Variants in TECPR2 observed in about 807,000 individuals in gnomAD.
TECPR2 encodes the protein tectonin beta-propeller repeat-containing protein 2.
TECPR2 carries 65 observed loss-of-function variants against 138.1 expected under a neutral mutation model. The ratio of observed to expected loss-of-function variants is 0.47; its 90% CI spans 0.39 to 0.58. The LOEUF (loss-of-function observed/expected upper bound fraction) is 0.58, where lower values mean the gene tolerates loss of function less well. Among genes scored for constraint, TECPR2 ranks in the 20% least tolerant of loss-of-function variants. The probability of loss-of-function intolerance (pLI) is 0.00; values close to 1 mark genes in which losing one functional copy is unlikely to be tolerated. For synonymous variants in TECPR2, 746 were observed against 749.8 expected, an observed-to-expected ratio of 0.99 and a Z score of 0.08; for missense variants, 1,553 against 1,824.5, an observed-to-expected ratio of 0.85 and a Z score of 2.71.
chr14:102,455,134 T>G (rs73351373), intron 16 of TECPR2, among the ~76,000 whole-genome samples: 14,531 of 152,042 alleles, frequency 0.096, 991 homozygotes, highest in African/African-American at 0.2. Context: ...CCATCCTGAG[T>G]CCAAGATGGC....
At chr14:102,487,745 G>A (rs1891063798) in intron 17 of TECPR2, among the ~76,000 whole-genome samples, 1 of 151,398 alleles carries the variant, frequency 6.6e-6, no homozygotes, top group Admixed American at 6.6e-5. Flanking sequence ...GTTTCACTGT[G>A]TTAGCCAGGA....
intron 5 of TECPR2, among the ~76,000 whole-genome samples, chr14:102,423,168 C>T (rs1444585168): frequency 6.6e-6 from 1 of 152,174 alleles, no homozygotes; most frequent in Non-Finnish European, 1.5e-5. Flanking sequence ...CGCAGTGGCT[C>T]ATGCCTGTAA....
intron 14 of TECPR2, 86 bp downstream of exon 14, chr14:102,449,955 A>C: frequency 3.9e-5 from 61 of 1,550,550 alleles, no homozygotes; most frequent in Non-Finnish European, 4.6e-5. Context: ...TTAAGATCTC[A>C]ACTTGAAAAG....
intron 17 of TECPR2, among the ~76,000 whole-genome samples, chr14:102,496,068 T>C (rs548273790): frequency 2.6e-5 from 4 of 152,328 alleles, no homozygotes; most frequent in Admixed American, 2.6e-4. Context: ...GAGCAGGAGA[T>C]GTGTGGCGGC....
intron 2 of TECPR2, among the ~76,000 whole-genome samples, chr14:102,391,411 A>G (rs1327472266): frequency 6.6e-6 from 1 of 152,148 alleles, no homozygotes; most frequent in Non-Finnish European, 1.5e-5. Context: ...CTATGAATCA[A>G]AGCAAGAGAA....
At chr14:102,382,069 G>A (rs1887842106) in intron 2 of TECPR2, among the ~76,000 whole-genome samples, 1 of 152,152 alleles carries the variant, frequency 6.6e-6, no homozygotes, top group Non-Finnish European at 1.5e-5. Flanking sequence ...CGAGGCGGGT[G>A]GATCACGAGG....
chr14:102,433,380 A>G (rs1889565018), intron 8 of TECPR2, among the ~76,000 whole-genome samples: 1 of 149,708 alleles, frequency 6.7e-6, no homozygotes, highest in Admixed American at 6.6e-5. Flanking sequence ...TTTGGCTCCC[A>G]CTTACAAGTC....
intron 17 of TECPR2, among the ~76,000 whole-genome samples, chr14:102,490,842 C>A (rs1891142215): frequency 6.6e-6 from 1 of 152,204 alleles, no homozygotes; most frequent in Non-Finnish European, 1.5e-5. Context: ...TCACTGCAGC[C>A]AGAAGGGTCC....
At position 102,414,660 on chromosome 14, in the gene TECPR2, T is replaced by C; in HGVS notation, c.505T>C (p.Leu169=). Reference sequence around the variant, plus strand: ...GGGGCTCTGTAACTCCCAGCTGGTGTTGGAGGAGCCATCTTCCATTGTGCA... The same window carrying C: ...GGGGCTCTGTAACTCCCAGCTGGTGCTGGAGGAGCCATCTTCCATTGTGCA... ...DQGLCNSQLV[L]EEPSSIVQLD... is the part of the protein sequence containing the mutation. Residue 169 remains leucine (L), a synonymous_variant, in exon 5 of 20, where the codon TTG becomes CTG. Transcript: ENST00000359520. 6.2e-7 allele frequency: 1 copy of C among 1,614,248 alleles called. No homozygotes were observed. The highest frequency in any genetic ancestry group is 8.5e-7 in the Non-Finnish European group (1 of 1,180,044).
At chr14:102,363,199 G>A in intron 1 of TECPR2, 83 bp downstream of exon 1, 1 of 283,292 alleles carries the variant, frequency 3.5e-6, no homozygotes, top group Non-Finnish European at 6.5e-6. Context: ...GGCCTCCCCC[G>A]GGCCACTCTT....
Position 102,431,854 on chromosome 14 carries a change from G to A in TECPR2, c.1143G>A (p.Glu381=), listed in dbSNP as rs1290081835. The A allele has an allele frequency of 3.1e-6, 5 of 1,600,260 alleles. No individual in the cohort carries two copies. The highest frequency in any genetic ancestry group is 1.7e-5 in the Admixed American group (1 of 59,590). The stretch of plus-strand genomic sequence containing the variant: ...AGCGTGTCCACGTGCAGCAAGCGGA[G>A]AAGCTGCCAGGGGCCACAGTTTCTG... ...CSERVHVQQA[E]KLPGATVSET... is the part of the protein sequence containing the mutation. Residue 381 remains glutamate (E), a synonymous_variant, in exon 8 of 20, where the codon GAG becomes GAA. Coordinates refer to ENST00000359520, the MANE Select transcript of TECPR2 (RefSeq NM_014844.5).
intron 16 of TECPR2, among the ~76,000 whole-genome samples, chr14:102,463,053 G>A (rs933733599): frequency 5.3e-5 from 8 of 152,182 alleles, no homozygotes; most frequent in Non-Finnish European, 7.3e-5. Flanking sequence ...CAGGGGTGCG[G>A]GCAGCCAGAA....
At chr14:102,469,543 C>G (rs758441567) in intron 17 of TECPR2, among the ~76,000 whole-genome samples, 1 of 152,142 alleles carries the variant, frequency 6.6e-6, no homozygotes, top group Non-Finnish European at 1.5e-5. Context: ...TCCTTTCTAT[C>G]TGTATGTCTT....
chr14:102,455,158 G>C (rs1890245864), intron 16 of TECPR2, among the ~76,000 whole-genome samples: 1 of 152,224 alleles, frequency 6.6e-6, no homozygotes, highest in Admixed American at 6.5e-5. Context: ...GGGCCATCTG[G>C]TGTTCAGCAG....
chr14:102,440,701 C>T (rs1889806692), intron 11 of TECPR2, 92 bp downstream of exon 11: 2 of 1,440,826 alleles, frequency 1.4e-6, no homozygotes, highest in Non-Finnish European at 1.9e-6. Context: ...ACCACAATCG[C>T]TATGATTAAG....
chr14:102,459,143 C>A (rs1890346660), intron 16 of TECPR2, among the ~76,000 whole-genome samples: 1 of 151,950 alleles, frequency 6.6e-6, no homozygotes, highest in South Asian at 2.1e-4. Context: ...GTTGCCTAGG[C>A]TGGTCTCAAA....
rs557445023 is a variant in TECPR2, at chr14:102,502,460, A to G, written c.*4203A>G. On this transcript the variant is annotated 3_prime_UTR_variant, in exon 20 of 20. Transcript: ENST00000359520. ...GTATTATTTATTCCAAAAATAAAGC[A>G]GATTTACATTTTAAAAATTCAGTTG... 6.5e-6 allele frequency: 1 copy of G among 152,792 alleles called. No individual in the cohort carries two copies. Among genetic ancestry groups the G allele is most frequent in the African/African-American group, 2.4e-5 (1 of 41,588 alleles). The allele number at this position is 152,792 out of a possible 1,614,324, so 9.5% of individuals were successfully genotyped here.
rs144957618 is a variant in TECPR2 at position 102,375,500 on chromosome 14, G to C, written c.-72-1150G>C. Among the ~76,000 whole-genome samples, 46 of 152,308 alleles carry C rather than the reference G, an allele frequency of 3.0e-4. No homozygotes were observed. In the East Asian group the frequency reaches 8.5e-3, roughly 28 times the overall value. On this transcript the variant is annotated intron_variant, in intron 1 of 19. Transcript: ENST00000359520. ...GCTCAGTAGAGAAAGAACATTCCAA[G>C]TGGACGGAACAGCCAATGCAAGGGC...
chr14:102,460,997 A>C (rs1890396502), intron 16 of TECPR2, among the ~76,000 whole-genome samples: 1 of 151,628 alleles, frequency 6.6e-6, no homozygotes, highest in Admixed American at 6.6e-5. Context: ...GCCCAGCCTC[A>C]ATTTTTTTTT....
Sources: gnomAD v4.1 joint callset for allele counts (sites outside exome capture counted in the v4.1 genomes callset) on GRCh38, gnomAD v4.1.1 for gene constraint, MANE v1.5 for transcripts, NCBI Gene and HGNC (gene_info 2026-07-23, HGNC 2026-07-21) for gene names.